DOCK3: variants seen among roughly 807,000 people sequenced by gnomAD.
The protein encoded by DOCK3 is dedicator of cytokinesis 3.
In DOCK3, 60 loss-of-function variants were observed where a neutral mutation model predicts 265.6. The observed-to-expected ratio is 0.23, with a 90% CI of 0.18 to 0.28. DOCK3 has a LOEUF of 0.28. Ranked by LOEUF, DOCK3 falls within the 10% of genes least tolerant of loss-of-function variation. The probability of loss-of-function intolerance (pLI) is 1.00; values close to 1 mark genes in which losing one functional copy is unlikely to be tolerated. For synonymous variants in DOCK3, 881 were observed against 938.0 expected, an observed-to-expected ratio of 0.94 and a Z score of 1.11; for missense variants, 1,981 against 2,594.3, an observed-to-expected ratio of 0.76 and a Z score of 5.14.
rs371749871 is a variant in DOCK3, at chr3:51,019,837, A to G, written c.316-44611A>G. 1.5e-4 allele frequency among the ~76,000 whole-genome samples: 23 copies of G among 152,022 alleles called. No homozygotes were observed. In the East Asian group the frequency reaches 2.1e-3, roughly 14 times the overall value. On this transcript the variant is annotated intron_variant, in intron 5 of 52. Transcript: ENST00000266037. ...CTTTTGTATGGCTGCATAGTATTCC[A>G]TGGTGTATATATACCATGTTTTCTT... is the stretch of plus-strand genomic sequence containing the variant.
At chr3:50,858,562 C>T (rs1256608773) in intron 3 of DOCK3, among the ~76,000 whole-genome samples, 4 of 152,026 alleles carry the variant, frequency 2.6e-5, no homozygotes, top group Non-Finnish European at 4.4e-5. Flanking sequence ...CCTGCACTTT[C>T]TCTTTATCTG....
intron 7 of DOCK3, among the ~76,000 whole-genome samples, chr3:51,077,728 A>G (rs2082100036): frequency 1.3e-5 from 2 of 152,236 alleles, no homozygotes; most frequent in African/African-American, 4.8e-5. Context: ...AAGGATCTAT[A>G]GCTGTGATTT....
intron 4 of DOCK3, among the ~76,000 whole-genome samples, chr3:50,922,733 A>C (rs1413025765): frequency 3.4e-5 from 5 of 146,944 alleles, no homozygotes; most frequent in African/African-American, 1.2e-4. Flanking sequence ...AGGTTTATGC[A>C]CTTAGCCAGT....
intron 1 of DOCK3, among the ~76,000 whole-genome samples, chr3:50,755,502 T>C (rs1306881041): frequency 6.6e-6 from 1 of 152,218 alleles, no homozygotes; most frequent in East Asian, 1.9e-4. Context: ...GTATCAGTAA[T>C]ATCTGTTGAT....
At chr3:51,105,728 T>C (rs1217626382) in intron 9 of DOCK3, among the ~76,000 whole-genome samples, 1 of 152,018 alleles carries the variant, frequency 6.6e-6, no homozygotes, top group Admixed American at 6.5e-5. Context: ...CATCCCGACA[T>C]TGGGAAGATG....
intron 20 of DOCK3, 113 bp from the exon 21 acceptor site, chr3:51,237,377 G>A: frequency 4.9e-6 from 4 of 812,406 alleles, no homozygotes; most frequent in Non-Finnish European, 8.0e-6. Flanking sequence ...GGGAATGCTA[G>A]AGGACAGCAC....
At chr3:50,873,506 G>A (rs1251954730) in intron 3 of DOCK3, among the ~76,000 whole-genome samples, 6 of 152,166 alleles carry the variant, frequency 3.9e-5, no homozygotes, top group African/African-American at 1.4e-4. Flanking sequence ...TACAGCCTGG[G>A]GTTAAGGGAG....
chr3:50,809,500 C>T (rs538579611), intron 2 of DOCK3, among the ~76,000 whole-genome samples: 1 of 152,316 alleles, frequency 6.6e-6, no homozygotes, highest in African/African-American at 2.4e-5. Flanking sequence ...CTTTGGAATA[C>T]TCTTTGGCAC....
At chr3:51,133,169 T>C (rs2084638287) in intron 9 of DOCK3, among the ~76,000 whole-genome samples, 1 of 152,156 alleles carries the variant, frequency 6.6e-6, no homozygotes, top group African/African-American at 2.4e-5. Context: ...TTGAGTTTTC[T>C]TTATTATTAT....
intron 5 of DOCK3, among the ~76,000 whole-genome samples, chr3:50,946,901 G>C (rs2076442932): frequency 6.6e-6 from 1 of 152,142 alleles, no homozygotes; most frequent in African/African-American, 2.4e-5. Context: ...AGGATGCAAC[G>C]ATGGAAGATG....
At chr3:51,214,376 T>A in intron 14 of DOCK3, 129 bp downstream of exon 14, 2 of 1,336,168 alleles carry the variant, frequency 1.5e-6, no homozygotes, top group Non-Finnish European at 2.0e-6. Flanking sequence ...ACATCCCAAG[T>A]CAGGCTGCTT....
chr3:50,799,880 C>T (rs946352760), intron 2 of DOCK3, among the ~76,000 whole-genome samples: 32 of 152,052 alleles, frequency 2.1e-4, no homozygotes, highest in African/African-American at 7.0e-4. Context: ...TTTTTCTACA[C>T]ATAATTTATT....
intron 32 of DOCK3, among the ~76,000 whole-genome samples, chr3:51,329,027 C>T (rs181908714): frequency 3.0e-4 from 45 of 152,170 alleles, no homozygotes; most frequent in Admixed American, 2.8e-3. Flanking sequence ...GTGGTGCGTG[C>T]TTATAATCCC....
chr3:51,244,018 A>G (rs549890071), intron 21 of DOCK3, among the ~76,000 whole-genome samples: 2 of 152,194 alleles, frequency 1.3e-5, no homozygotes, highest in African/African-American at 2.4e-5. Flanking sequence ...CCCCTTGACC[A>G]TATATGTGAG....
rs534985678 is a variant in DOCK3 at position 50,857,978 on chromosome 3, C to T, written c.162+16263C>T. Among the ~76,000 whole-genome samples, 23 of 152,256 alleles carry T rather than the reference C, an allele frequency of 1.5e-4. No homozygotes were observed. In the South Asian group the frequency reaches 3.9e-3, roughly 26 times the overall value. On this transcript the variant is annotated intron_variant, in intron 3 of 52. Transcript: ENST00000266037. Reference sequence around the variant, plus strand: ...ATGCTGCTATAAAGACACATGCACACGTATGTTTATTGCAGCACTATTCAC... The same window carrying T: ...ATGCTGCTATAAAGACACATGCACATGTATGTTTATTGCAGCACTATTCAC...
intron 36 of DOCK3, among the ~76,000 whole-genome samples, 187 bp from the exon 37 acceptor site, chr3:51,338,748 G>A (rs1415169837): frequency 1.3e-5 from 2 of 152,122 alleles, no homozygotes; most frequent in African/African-American, 4.8e-5. Context: ...GGCTCCCATA[G>A]ACCTGCCAGT....
intron 15 of DOCK3, among the ~76,000 whole-genome samples, chr3:51,226,844 C>T (rs1438492998): frequency 6.6e-6 from 1 of 152,188 alleles, no homozygotes; most frequent in East Asian, 1.9e-4. Context: ...ACCTAAAATG[C>T]CAGTCCAATG....
chr3:51,304,579 G>T (rs1302244325), intron 27 of DOCK3, among the ~76,000 whole-genome samples: 1 of 152,196 alleles, frequency 6.6e-6, no homozygotes, highest in Non-Finnish European at 1.5e-5. Flanking sequence ...GTGTGCTTGG[G>T]ATCCAAGGTC....
intron 5 of DOCK3, among the ~76,000 whole-genome samples, chr3:51,000,957 C>T (rs1465121936): frequency 6.6e-6 from 1 of 152,202 alleles, no homozygotes; most frequent in Non-Finnish European, 1.5e-5. Context: ...CCAGCCTGTT[C>T]TGCCATTTTC....
Sources: allele counts gnomAD v4.1 joint callset (sites outside exome capture counted in the v4.1 genomes callset), GRCh38; gene constraint gnomAD v4.1.1; transcripts MANE v1.5; gene names NCBI Gene and HGNC (gene_info 2026-07-23, HGNC 2026-07-21).